Variants in SHROOM3 observed in about 807,000 individuals in gnomAD.
The protein encoded by SHROOM3 is shroom family member 3.
SHROOM3 carries 47 observed loss-of-function variants against 138.6 expected under a neutral mutation model. The ratio of observed to expected loss-of-function variants is 0.34; its 90% confidence interval spans 0.27 to 0.43. SHROOM3 has a LOEUF of 0.43. Ranked by LOEUF, SHROOM3 falls within the 20% of genes least tolerant of loss-of-function variation. The pLI, the probability that SHROOM3 is intolerant of heterozygous loss-of-function variation, is 1.00. For missense variants in SHROOM3, 2,491 were observed against 2,596.5 expected, an observed-to-expected ratio of 0.96 and a Z score of 0.88; for synonymous variants, 1,062 against 1,063.3, an observed-to-expected ratio of 1.00 and a Z score of 0.02.
At chr4:76,495,416 CCTT>C (rs774421300) in intron 1 of SHROOM3, among the ~76,000 whole-genome samples, 2 of 152,228 alleles carry the variant, frequency 1.3e-5, no homozygotes, top group Non-Finnish European at 2.9e-5. Context: ...AAAAATCTGG[CCTT>C]CTTGCATCAA....
intron 1 of SHROOM3, among the ~76,000 whole-genome samples, chr4:76,476,731 G>A (rs1483244230): frequency 6.6e-6 from 1 of 152,134 alleles, no homozygotes; most frequent in Non-Finnish European, 1.5e-5. Context: ...CTAAGAATTA[G>A]AATATGCAGT....
intron 2 of SHROOM3, among the ~76,000 whole-genome samples, chr4:76,667,600 C>T (rs1718731135): frequency 6.6e-6 from 1 of 152,080 alleles, no homozygotes; most frequent in South Asian, 2.1e-4. Flanking sequence ...AGGCATGAGC[C>T]ATCATGCCCA....
chr4:76,437,943 C>T (rs1377904252), intron 1 of SHROOM3, among the ~76,000 whole-genome samples: 2 of 152,148 alleles, frequency 1.3e-5, no homozygotes, highest in Non-Finnish European at 2.9e-5. Context: ...CACTAATGAG[C>T]CAGCTTCTCT....
rs541598067 is a variant in SHROOM3, at chr4:76,580,721, C to T, written c.323+24958C>T. The stretch of plus-strand genomic sequence containing the variant: ...GATTACAGGCGTGAGCCACTGTACC[C>T]CGCCAACTTTGGGCAAGTTTTTAAT... On this transcript the variant is annotated intron_variant, in intron 2 of 10. Transcript: ENST00000296043. 9.9e-5 allele frequency among the ~76,000 whole-genome samples: 15 copies of T among 152,250 alleles called. No individual in the cohort carries two copies. The East Asian group carries it at 2.9e-3, about 30-fold the overall frequency.
Position 76,656,102 on chromosome 4 carries a change from A to G in SHROOM3, c.324-54054A>G, listed in dbSNP as rs890022970. 6.6e-5 allele frequency among the ~76,000 whole-genome samples: 10 copies of G among 152,318 alleles called. No homozygotes were observed. The South Asian group carries it at 1.7e-3, about 25-fold the overall frequency. ...ACTCAGGCATGGTGAGGGCGCCAGG[A>G]GAGCTGGCAGGGAGTTCCTCATTTC... On this transcript the variant is annotated intron_variant, in intron 2 of 10. Transcript: ENST00000296043.
At chr4:76,685,576 T>A (rs1255503848) in intron 2 of SHROOM3, among the ~76,000 whole-genome samples, 1 of 152,214 alleles carries the variant, frequency 6.6e-6, no homozygotes, top group East Asian at 1.9e-4. Flanking sequence ...TTCCTACATT[T>A]CAAATAATTG....
At chr4:76,529,632 T>C (rs1732789239) in intron 1 of SHROOM3, among the ~76,000 whole-genome samples, 1 of 151,960 alleles carries the variant, frequency 6.6e-6, no homozygotes, top group Admixed American at 6.6e-5. Context: ...GCCTGTAGGA[T>C]TTTTGATGGA....
intron 1 of SHROOM3, among the ~76,000 whole-genome samples, chr4:76,447,391 T>C (rs1242684920): frequency 6.6e-6 from 1 of 152,216 alleles, no homozygotes; most frequent in Admixed American, 6.5e-5. Flanking sequence ...GTTGTGTGGG[T>C]ACAATGTAAG....
At chr4:76,527,477 G>A (rs1732717282) in intron 1 of SHROOM3, among the ~76,000 whole-genome samples, 1 of 152,192 alleles carries the variant, frequency 6.6e-6, no homozygotes, top group South Asian at 2.1e-4. Flanking sequence ...CAGCTACTCG[G>A]GAGGCTGAGG....
At chr4:76,470,001 A>C (rs1438920598) in intron 1 of SHROOM3, among the ~76,000 whole-genome samples, 2 of 152,216 alleles carry the variant, frequency 1.3e-5, no homozygotes, top group Non-Finnish European at 2.9e-5. Flanking sequence ...ATTGACATAC[A>C]CAGACAGATT....
At chr4:76,634,317 A>C (rs557735681) in intron 2 of SHROOM3, among the ~76,000 whole-genome samples, 1 of 152,322 alleles carries the variant, frequency 6.6e-6, no homozygotes, top group Admixed American at 6.5e-5. Context: ...CAAGGTATAG[A>C]AAGTCCTAGC....
intron 1 of SHROOM3, among the ~76,000 whole-genome samples, chr4:76,467,775 A>G (rs1731277632): frequency 6.6e-6 from 1 of 152,210 alleles, no homozygotes; most frequent in Non-Finnish European, 1.5e-5. Context: ...TATAACTTCA[A>G]TAATTTCTGT....
chr4:76,766,660 T>A (rs1176217690), intron 9 of SHROOM3, among the ~76,000 whole-genome samples: 1 of 152,222 alleles, frequency 6.6e-6, no homozygotes, highest in African/African-American at 2.4e-5. Flanking sequence ...TTGGAAGAGA[T>A]CTGCCTGGCA....
intron 1 of SHROOM3, among the ~76,000 whole-genome samples, chr4:76,463,250 C>T (rs981128794): frequency 2.0e-5 from 3 of 152,190 alleles, no homozygotes; most frequent in Non-Finnish European, 2.9e-5. Context: ...AGCAAAGAGG[C>T]TGGTGGCATT....
chr4:76,477,257 C>T (rs1447531497), intron 1 of SHROOM3, among the ~76,000 whole-genome samples: 1 of 152,190 alleles, frequency 6.6e-6, no homozygotes, highest in Non-Finnish European at 1.5e-5. Context: ...GCGTGAGCCA[C>T]CACACCCGGC....
intron 1 of SHROOM3, among the ~76,000 whole-genome samples, chr4:76,496,937 GTCTA>G (rs1731981328): frequency 6.6e-6 from 1 of 152,094 alleles, no homozygotes; most frequent in South Asian, 2.1e-4. Flanking sequence ...ATTGCTTAAG[GTCTA>G]TCTGACTTGA....
intron 1 of SHROOM3, among the ~76,000 whole-genome samples, chr4:76,446,151 C>G (rs1730800267): frequency 6.6e-6 from 1 of 152,080 alleles, no homozygotes; most frequent in African/African-American, 2.4e-5. Flanking sequence ...TCTGGGAAGT[C>G]CTATAGGTGG....
In SHROOM3 at chr4:76,495,384, T is replaced by G. The variant is rs78834081; in HGVS notation, c.168+59164T>G. Among the ~76,000 whole-genome samples the G allele has an allele frequency of 7.6e-3, 1,162 of 152,314 alleles. 22 individuals are homozygous for G. The East Asian group carries it at 0.081, about 11-fold the overall frequency. ...CCCCCCAGGGATGGCCTAGAACCAA[T>G]GACTGATCAATAAGAAAGTACAAAA... On this transcript the variant is annotated intron_variant, in intron 1 of 10. Coordinates refer to ENST00000296043, the MANE Select transcript of SHROOM3 (RefSeq NM_020859.4).
chr4:76,471,188 T>C (rs1325305229), intron 1 of SHROOM3, among the ~76,000 whole-genome samples: 1 of 152,186 alleles, frequency 6.6e-6, no homozygotes, highest in East Asian at 1.9e-4. Flanking sequence ...TTTTATGGAA[T>C]TGCCTAGCTC....
Sources: gnomAD v4.1 joint callset for allele counts (sites outside exome capture counted in the v4.1 genomes callset) on GRCh38, gnomAD v4.1.1 for gene constraint, MANE v1.5 for transcripts, NCBI Gene and HGNC (gene_info 2026-07-23, HGNC 2026-07-21) for gene names.